The following SFI1 variants were observed in gnomAD, a reference collection of about 807,000 sequenced individuals.
SFI1 encodes protein SFI1 homolog.
SFI1 carries 195 observed loss-of-function variants against 207.5 expected under a neutral mutation model. The observed-to-expected ratio is 0.94, with a 90% confidence interval of 0.84 to 1.06. The LOEUF (loss-of-function observed/expected upper bound fraction) is 1.06, where lower values mean the gene tolerates loss of function less well. Ranked by LOEUF, SFI1 falls within the 50% of genes least tolerant of loss-of-function variation. The probability of loss-of-function intolerance (pLI) is 0.00; values close to 1 mark genes in which losing one functional copy is unlikely to be tolerated. For missense variants in SFI1, 1,634 were observed against 1,588.0 expected, an observed-to-expected ratio of 1.03 and a Z score of -0.49; for synonymous variants, 630 against 598.9, an observed-to-expected ratio of 1.05 and a Z score of -0.76.
chr22:31,547,222 T>C (rs1209386496), intron 5 of SFI1, among the ~76,000 whole-genome samples: 2 of 152,188 alleles, frequency 1.3e-5, no homozygotes. Context: ...GTATTGGTTA[T>C]GCTAATACTT....
intron 4 of SFI1, among the ~76,000 whole-genome samples, chr22:31,544,283 T>C (rs971540147): frequency 1.3e-5 from 2 of 152,146 alleles, no homozygotes; most frequent in Non-Finnish European, 2.9e-5. Flanking sequence ...TCTTTTGCTG[T>C]TGTTATGACT....
chr22:31,582,451 C>G (rs1231582817), intron 12 of SFI1, among the ~76,000 whole-genome samples: 3 of 150,330 alleles, frequency 2.0e-5, no homozygotes, highest in Non-Finnish European at 4.4e-5. Context: ...GGGGTTTCAC[C>G]GTGTTGGCCA....
chr22:31,532,183 A>G (rs1463218024), intron 4 of SFI1, among the ~76,000 whole-genome samples: 2 of 152,230 alleles, frequency 1.3e-5, no homozygotes, highest in African/African-American at 4.8e-5. Context: ...CTTTCAGGGC[A>G]CTGGTGAGAC....
chr22:31,562,656 C>T (rs377289627), intron 8 of SFI1, among the ~76,000 whole-genome samples: 2 of 151,682 alleles, frequency 1.3e-5, no homozygotes, highest in East Asian at 3.9e-4. Flanking sequence ...TTTTTTGAGA[C>T]AGAGTCTCGC....
At chr22:31,519,328 T>C (rs1305370795) in intron 2 of SFI1, among the ~76,000 whole-genome samples, 7 of 151,612 alleles carry the variant, frequency 4.6e-5, no homozygotes, top group Non-Finnish European at 1.0e-4. Flanking sequence ...TGGTGTGCAG[T>C]GGCATGATCA....
At chr22:31,579,014 G>C (rs2063803855) in intron 11 of SFI1, among the ~76,000 whole-genome samples, 1 of 152,148 alleles carries the variant, frequency 6.6e-6, no homozygotes, top group South Asian at 2.1e-4. Context: ...TTTTAGAGAT[G>C]CGGTCTCACT....
chr22:31,597,898 G>A (rs557893881), intron 15 of SFI1, among the ~76,000 whole-genome samples: 1 of 152,076 alleles, frequency 6.6e-6, no homozygotes, highest in East Asian at 1.9e-4. Context: ...GACAAAATTG[G>A]TTTGTCTTTT....
At chr22:31,516,639 C>A (rs576805337) in intron 2 of SFI1, among the ~76,000 whole-genome samples, 10 of 151,728 alleles carry the variant, frequency 6.6e-5, no homozygotes, top group Non-Finnish European at 1.3e-4. Flanking sequence ...GCCAACATGG[C>A]GAAACCCCAT....
intron 11 of SFI1, among the ~76,000 whole-genome samples, chr22:31,579,550 C>T (rs575181829): frequency 9.2e-5 from 14 of 152,190 alleles, no homozygotes; most frequent in African/African-American, 3.1e-4. Flanking sequence ...CTCCTGACCT[C>T]GTGATCCGCC....
At chr22:31,578,614 TG>T (rs1351164397) in intron 11 of SFI1, among the ~76,000 whole-genome samples, 162 bp downstream of exon 11, 1 of 152,216 alleles carries the variant, frequency 6.6e-6, no homozygotes, top group East Asian at 1.9e-4. Context: ...CTTTTCATTT[TG>T]GATTACAGGT....
chr22:31,518,894 CA>C (rs1236834678), intron 2 of SFI1, among the ~76,000 whole-genome samples: 1 of 152,154 alleles, frequency 6.6e-6, no homozygotes, highest in Non-Finnish European at 1.5e-5. Flanking sequence ...CATTGATACA[CA>C]ACACTTCTCA....
intron 4 of SFI1, among the ~76,000 whole-genome samples, chr22:31,543,300 C>CT (rs1356364037): frequency 1.3e-5 from 2 of 152,170 alleles, no homozygotes; most frequent in Non-Finnish European, 2.9e-5. Flanking sequence ...CACGCAGTGA[C>CT]TTTATTTTTT....
intron 15 of SFI1, among the ~76,000 whole-genome samples, chr22:31,597,663 C>T (rs1434350344): frequency 1.3e-5 from 2 of 152,174 alleles, no homozygotes; most frequent in South Asian, 4.1e-4. Flanking sequence ...TGAACTGTCC[C>T]TGTGGCCCCT....
At chr22:31,617,584 G>C (rs999359205) in intron 31 of SFI1, among the ~76,000 whole-genome samples, 1 of 152,106 alleles carries the variant, frequency 6.6e-6, no homozygotes, top group African/African-American at 2.4e-5. Flanking sequence ...AGCCGGGCAT[G>C]GTGGTGCACG....
At chr22:31,508,485 G>A in intron 2 of SFI1, 109 bp downstream of exon 2, 1 of 731,000 alleles carries the variant, frequency 1.4e-6, no homozygotes, top group South Asian at 1.9e-5. Context: ...AGTAACTGTG[G>A]GTAAGTTTTT....
At chr22:31,514,858 A>G (rs1203542623) in intron 2 of SFI1, among the ~76,000 whole-genome samples, 2 of 149,546 alleles carry the variant, frequency 1.3e-5, no homozygotes, top group Non-Finnish European at 3.0e-5. Context: ...TGCAACCTCT[A>G]CCTCCCGGAT....
At chr22:31,556,692 C>CA (rs777774059) in intron 6 of SFI1, among the ~76,000 whole-genome samples, 61 of 152,280 alleles carry the variant, frequency 4.0e-4, no homozygotes, top group Non-Finnish European at 6.5e-4. Context: ...GCTTTTAAAG[C>CA]AAAGGGTTTT....
intron 8 of SFI1, among the ~76,000 whole-genome samples, chr22:31,566,518 G>C (rs1449877713): frequency 5.9e-5 from 9 of 152,256 alleles, no homozygotes; most frequent in South Asian, 2.1e-4. Flanking sequence ...GTAAGCAACA[G>C]TGTAGGTTCT....
chr22:31,606,223 G>A, intron 20 of SFI1, 105 bp from the exon 21 acceptor site: 1 of 981,844 alleles, frequency 1.0e-6, no homozygotes, highest in South Asian at 1.4e-5. Context: ...TAGGTGTAGA[G>A]TCCCTGACTC....
Sources: gnomAD v4.1 joint callset for allele counts (sites outside exome capture counted in the v4.1 genomes callset) on GRCh38, gnomAD v4.1.1 for gene constraint, MANE v1.5 for transcripts, NCBI Gene and HGNC (gene_info 2026-07-23, HGNC 2026-07-21) for gene names.